The following CADM2 variants were observed in gnomAD, a reference collection of about 807,000 sequenced individuals.
CADM2 encodes immunoglobulin superfamily member 4D.
In CADM2, 12 loss-of-function variants were observed where a neutral mutation model predicts 49.8. The ratio of observed to expected loss-of-function variants is 0.24; its 90% CI spans 0.15 to 0.39. CADM2 has a LOEUF of 0.39. Among genes scored for constraint, CADM2 ranks in the 10% least tolerant of loss-of-function variants. The probability of loss-of-function intolerance (pLI) is 1.00; values close to 1 mark genes in which losing one functional copy is unlikely to be tolerated. For synonymous variants in CADM2, 214 were observed against 175.4 expected (o/e 1.22, Z -1.74); for missense variants, 378 against 492.3 (o/e 0.77, Z 2.20).
chr3:85,772,451 G>A (rs905717373), intron 2 of CADM2, among the ~76,000 whole-genome samples: 1 of 152,018 alleles, frequency 6.6e-6, no homozygotes, highest in Non-Finnish European at 1.5e-5. Context: ...GAATATCTAA[G>A]TTCTTGAATA....
intron 3 of CADM2, among the ~76,000 whole-genome samples, chr3:85,851,569 A>G (rs370575097): frequency 5.6e-4 from 85 of 151,128 alleles, no homozygotes; most frequent in African/African-American, 1.9e-3. Flanking sequence ...TCATGAATTT[A>G]AGTCCGAGAA....
At chr3:85,011,992 T>G (rs1453532464) in intron 1 of CADM2, among the ~76,000 whole-genome samples, 1 of 152,056 alleles carries the variant, frequency 6.6e-6, no homozygotes, top group Non-Finnish European at 1.5e-5. Context: ...TACTAAATTA[T>G]GACTAAACTA....
intron 8 of CADM2, among the ~76,000 whole-genome samples, chr3:85,976,343 G>A (rs1325282340): frequency 6.6e-6 from 1 of 151,474 alleles, no homozygotes; most frequent in Non-Finnish European, 1.5e-5. Flanking sequence ...AAAGCAGAGC[G>A]GGTGGAAAGT....
At chr3:85,633,578 T>A (rs1187089014) in intron 1 of CADM2, among the ~76,000 whole-genome samples, 1 of 152,012 alleles carries the variant, frequency 6.6e-6, no homozygotes, top group Admixed American at 6.6e-5. Flanking sequence ...GGGCATCAGT[T>A]TTCTTAAAAT....
chr3:85,391,719 T>A (rs1283919070), intron 1 of CADM2, among the ~76,000 whole-genome samples: 1 of 152,108 alleles, frequency 6.6e-6, no homozygotes, highest in Non-Finnish European at 1.5e-5. Flanking sequence ...GATACAGATT[T>A]GTTATTTGTC....
At chr3:85,945,931 C>T (rs1034285781) in intron 7 of CADM2, among the ~76,000 whole-genome samples, 1 of 152,022 alleles carries the variant, frequency 6.6e-6, no homozygotes, top group Admixed American at 6.6e-5. Flanking sequence ...CTGGCCAGGG[C>T]AATCAGGCAG....
chr3:85,728,010 T>C (rs1247737236), intron 2 of CADM2, among the ~76,000 whole-genome samples: 1 of 152,148 alleles, frequency 6.6e-6, no homozygotes, highest in Non-Finnish European at 1.5e-5. Context: ...GGAGTGATTA[T>C]GAGTCATTAC....
chr3:86,061,387 A>AC, intron 8 of CADM2, among the ~76,000 whole-genome samples: 1 of 152,206 alleles, frequency 6.6e-6, no homozygotes, highest in East Asian at 1.9e-4. Context: ...GAAACATATA[A>AC]AATATATAGA....
At chr3:85,468,072 T>G (rs2038587545) in intron 1 of CADM2, among the ~76,000 whole-genome samples, 1 of 136,798 alleles carries the variant, frequency 7.3e-6, no homozygotes, top group African/African-American at 2.8e-5. Flanking sequence ...GAGAATGGCG[T>G]GAACCCGGGA....
chr3:85,452,940 C>T (rs2037819449), intron 1 of CADM2, among the ~76,000 whole-genome samples: 1 of 152,068 alleles, frequency 6.6e-6, no homozygotes, highest in Non-Finnish European at 1.5e-5. Flanking sequence ...AACGCACAGA[C>T]ACACAATCAC....
rs563562990 is a variant in CADM2 at position 85,310,798 on chromosome 3, A to G, written c.61+351130A>G. ...AGGAACAGAAATTTTTACATCACCAATTCTTTCTCAGAGGCTATTCTCTCC... is the reference window on the plus strand; with the variant it reads ...AGGAACAGAAATTTTTACATCACCAGTTCTTTCTCAGAGGCTATTCTCTCC... On this transcript the variant is annotated intron_variant, in intron 1 of 9. Coordinates refer to ENST00000383699, the MANE Select transcript of CADM2 (RefSeq NM_001167675.2). 1.8e-4 allele frequency among the ~76,000 whole-genome samples: 27 copies of G among 152,306 alleles called. No individual in the cohort carries two copies. The South Asian group carries it at 3.5e-3, about 20-fold the overall frequency.
At chr3:85,818,120 A>G (rs1298379001) in intron 3 of CADM2, among the ~76,000 whole-genome samples, 2 of 152,146 alleles carry the variant, frequency 1.3e-5, no homozygotes, top group African/African-American at 4.8e-5. Flanking sequence ...CATAAAGCAA[A>G]GACCCTGTGT....
intron 8 of CADM2, among the ~76,000 whole-genome samples, chr3:85,985,320 C>T (rs1228865104): frequency 6.6e-6 from 1 of 151,838 alleles, no homozygotes; most frequent in East Asian, 1.9e-4. Flanking sequence ...ATATCACGTT[C>T]ATGAGGGCTT....
chr3:85,189,765 G>T (rs2041160696), intron 1 of CADM2, among the ~76,000 whole-genome samples: 2 of 152,112 alleles, frequency 1.3e-5, no homozygotes, highest in Non-Finnish European at 2.9e-5. Context: ...GTTGTAACCA[G>T]GGGATATAGT....
chr3:86,023,387 GTTT>G (rs1733454943), intron 8 of CADM2, among the ~76,000 whole-genome samples: 1 of 141,476 alleles, frequency 7.1e-6, no homozygotes, highest in African/African-American at 2.6e-5. Context: ...GTTTTGTTTT[GTTT>G]TGTTTTTTTG....
chr3:84,992,061 T>A (rs1219046239), intron 1 of CADM2, among the ~76,000 whole-genome samples: 1 of 152,146 alleles, frequency 6.6e-6, no homozygotes, highest in Non-Finnish European at 1.5e-5. Flanking sequence ...TGTATGATAC[T>A]ATAATGATGG....
At chr3:85,238,006 T>G (rs2042444958) in intron 1 of CADM2, among the ~76,000 whole-genome samples, 1 of 151,906 alleles carries the variant, frequency 6.6e-6, no homozygotes, top group Non-Finnish European at 1.5e-5. Flanking sequence ...AATATAGAAA[T>G]AATAACAATA....
chr3:85,034,982 T>C (rs1006176256), intron 1 of CADM2, among the ~76,000 whole-genome samples: 1 of 151,782 alleles, frequency 6.6e-6, no homozygotes, highest in African/African-American at 2.4e-5. Flanking sequence ...TTTGTATTTT[T>C]AGTAGAGACG....
intron 1 of CADM2, among the ~76,000 whole-genome samples, chr3:85,404,961 C>T (rs2035301547): frequency 6.6e-6 from 1 of 152,052 alleles, no homozygotes; most frequent in Non-Finnish European, 1.5e-5. Context: ...CAGTTATATT[C>T]ATGGTAGATA....
Sources: gnomAD v4.1 joint callset for allele counts (sites outside exome capture counted in the v4.1 genomes callset) on GRCh38, gnomAD v4.1.1 for gene constraint, MANE v1.5 for transcripts, NCBI Gene and HGNC (gene_info 2026-07-23, HGNC 2026-07-21) for gene names.